The following DLGAP1 variants were observed in gnomAD, a reference collection of about 807,000 sequenced individuals.
DLGAP1 encodes the protein DLG associated protein 1.
DLGAP1 carries 11 observed loss-of-function variants against 90.8 expected under a neutral mutation model. The observed-to-expected ratio is 0.12, with a 90% CI of 0.08 to 0.20. The LOEUF is 0.20. Ranked by LOEUF, DLGAP1 falls within the 10% of genes least tolerant of loss-of-function variation. The pLI is 1.00. For missense variants in DLGAP1, 1,050 were observed against 1,333.8 expected, an observed-to-expected ratio of 0.79 and a Z score of 3.31; for synonymous variants, 558 against 540.7, an observed-to-expected ratio of 1.03 and a Z score of -0.44.
intron 8 of DLGAP1, among the ~76,000 whole-genome samples, chr18:3,570,255 T>G (rs1318941283): frequency 6.6e-6 from 1 of 151,222 alleles, no homozygotes; most frequent in African/African-American, 2.4e-5. Flanking sequence ...GCTGGGCTTA[T>G]TGACCTTCCC....
At chr18:3,602,639 C>G (rs1474488237) in intron 7 of DLGAP1, among the ~76,000 whole-genome samples, 1 of 141,870 alleles carries the variant, frequency 7.0e-6, no homozygotes, top group African/African-American at 2.6e-5. Flanking sequence ...TGTTGGTAGA[C>G]AAATAAATTC....
At position 4,116,369 on chromosome 18, in the gene DLGAP1, T is replaced by G. The variant is rs187745850; in HGVS notation, c.-159+34811A>C. The stretch of plus-strand genomic sequence containing the variant: ...CTTGGAGTTTATTGAGCTTCTTGAC[T>G]CTGTAGAAAAATGCTTTTCATCATA... On this transcript the variant is annotated intron_variant, in intron 2 of 12. Transcript: ENST00000315677. Among the ~76,000 whole-genome samples the G allele has an allele frequency of 2.6e-5, 4 of 152,324 alleles. No homozygotes were observed. The East Asian group carries it at 7.7e-4, about 29-fold the overall frequency.
intron 1 of DLGAP1, among the ~76,000 whole-genome samples, chr18:4,376,120 A>G (rs2082009301): frequency 6.6e-6 from 1 of 152,186 alleles, no homozygotes; most frequent in Non-Finnish European, 1.5e-5. Flanking sequence ...TAGATACCTA[A>G]AGCCATCATG....
rs146653351 is a variant in DLGAP1, at chr18:4,434,793, T to C, written c.-267+20213A>G. Among the ~76,000 whole-genome samples the C allele has an allele frequency of 2.1e-3, 315 of 152,190 alleles. 1 individual carries two copies. Among genetic ancestry groups the C allele is most frequent in the African/African-American group, 6.9e-3 (287 of 41,520 alleles). On this transcript the variant is annotated intron_variant, in intron 1 of 12. Coordinates refer to ENST00000315677, the MANE Select transcript of DLGAP1 (RefSeq NM_004746.4). ...GAATCCTCAAGCTGTCCTTGAACAA[T>C]GTTTAGAGGTCTGCCATGCAGAAAA...
At chr18:4,413,149 T>C (rs2082817255) in intron 1 of DLGAP1, among the ~76,000 whole-genome samples, 1 of 151,950 alleles carries the variant, frequency 6.6e-6, no homozygotes, top group African/African-American at 2.4e-5. Flanking sequence ...TCGTTATCCA[T>C]CTAGACAAAC....
chr18:3,690,981 T>G (rs899254952), intron 7 of DLGAP1, among the ~76,000 whole-genome samples: 2 of 152,222 alleles, frequency 1.3e-5, no homozygotes, highest in Admixed American at 6.5e-5. Context: ...TGGCCTGCCA[T>G]GCAAAACAGT....
intron 6 of DLGAP1, among the ~76,000 whole-genome samples, chr18:3,733,313 T>C (rs2062512945): frequency 2.0e-5 from 3 of 152,176 alleles, no homozygotes. Context: ...GTCCATGACT[T>C]ATGATTTTTC....
intron 1 of DLGAP1, among the ~76,000 whole-genome samples, chr18:4,387,924 C>CACACAT (rs777791195): frequency 8.8e-6 from 1 of 113,722 alleles, no homozygotes; most frequent in African/African-American, 3.7e-5. Flanking sequence ...GAGACTCCAT[C>CACACAT]ACACATACAC....
In DLGAP1 at chr18:3,524,110, A is replaced by G. The variant is rs150509791; in HGVS notation, c.2479+10084T>C. Reference sequence around the variant, plus strand: ...ATAGTGAGATCTTGTATCCACAAATAAGAATTTTTAAAAAATTAGTTGGGT... The same window carrying G: ...ATAGTGAGATCTTGTATCCACAAATGAGAATTTTTAAAAAATTAGTTGGGT... On this transcript the variant is annotated intron_variant, in intron 10 of 12. Coordinates refer to ENST00000315677, the MANE Select transcript of DLGAP1 (RefSeq NM_004746.4). Among the ~76,000 whole-genome samples, 216 of 152,198 alleles carry G rather than the reference A, an allele frequency of 1.4e-3. 1 individual carries two copies. The highest frequency in any genetic ancestry group is 3.9e-3 in the Admixed American group (59 of 15,276).
At chr18:3,678,214 A>C (rs2060382746) in intron 7 of DLGAP1, among the ~76,000 whole-genome samples, 1 of 152,158 alleles carries the variant, frequency 6.6e-6, no homozygotes, top group Admixed American at 6.5e-5. Context: ...TGCCTGCCTT[A>C]GCCTCCCAAA....
At chr18:4,091,575 T>G (rs2075773607) in intron 2 of DLGAP1, among the ~76,000 whole-genome samples, 1 of 152,256 alleles carries the variant, frequency 6.6e-6, no homozygotes, top group South Asian at 2.1e-4. Context: ...CCTTTTTTAC[T>G]CTTTTCTTTC....
chr18:4,063,686 G>A (rs559629651), intron 2 of DLGAP1, among the ~76,000 whole-genome samples: 1 of 152,144 alleles, frequency 6.6e-6, no homozygotes, highest in East Asian at 1.9e-4. Flanking sequence ...CACTAAGGGA[G>A]CCTTCATCTA....
At chr18:4,115,699 GA>G (rs1465513161) in intron 2 of DLGAP1, among the ~76,000 whole-genome samples, 8 of 152,074 alleles carry the variant, frequency 5.3e-5, no homozygotes, top group African/African-American at 1.7e-4. Context: ...TGTTAGCCAG[GA>G]TGGTCTCAAT....
intron 2 of DLGAP1, among the ~76,000 whole-genome samples, chr18:4,147,171 C>G (rs2076598136): frequency 6.6e-6 from 1 of 152,128 alleles, no homozygotes; most frequent in South Asian, 2.1e-4. Context: ...AATTTAAACT[C>G]AAGGAAAAGA....
At chr18:4,439,752 G>A (rs2083485427) in intron 1 of DLGAP1, among the ~76,000 whole-genome samples, 2 of 151,834 alleles carry the variant, frequency 1.3e-5, no homozygotes, top group Non-Finnish European at 2.9e-5. Context: ...CAAGGTTATG[G>A]TAAGCCATGA....
At chr18:4,061,108 A>C (rs565692709) in intron 2 of DLGAP1, among the ~76,000 whole-genome samples, 1 of 152,282 alleles carries the variant, frequency 6.6e-6, no homozygotes, top group Non-Finnish European at 1.5e-5. Flanking sequence ...CTTCACACCT[A>C]ATACATAATT....
At chr18:3,599,777 C>T (rs546545808) in intron 7 of DLGAP1, among the ~76,000 whole-genome samples, 2 of 152,150 alleles carry the variant, frequency 1.3e-5, no homozygotes, top group Admixed American at 1.3e-4. Flanking sequence ...CGCCACCACG[C>T]CCGGCTAATT....
At chr18:3,546,029 T>C (rs1311915906) in intron 9 of DLGAP1, among the ~76,000 whole-genome samples, 1 of 152,216 alleles carries the variant, frequency 6.6e-6, no homozygotes, top group African/African-American at 2.4e-5. Context: ...ATTTCAACAA[T>C]ACTTTCTCGA....
chr18:3,595,980 G>C (rs972141502), intron 7 of DLGAP1, among the ~76,000 whole-genome samples: 1 of 152,144 alleles, frequency 6.6e-6, no homozygotes, highest in African/African-American at 2.4e-5. Flanking sequence ...GGGTTGAATG[G>C]ACTGTTTACA....
Sources: allele counts gnomAD v4.1 joint callset (sites outside exome capture counted in the v4.1 genomes callset), GRCh38; gene constraint gnomAD v4.1.1; transcripts MANE v1.5; gene names NCBI Gene and HGNC (gene_info 2026-07-23, HGNC 2026-07-21).